The following SSBP2 variants were observed in gnomAD, a reference collection of about 807,000 sequenced individuals.
SSBP2 encodes the protein single-stranded DNA-binding protein 2.
In SSBP2, 17 loss-of-function variants were observed where a neutral mutation model predicts 61.8. The ratio of observed to expected loss-of-function variants is 0.28; its 90% CI spans 0.19 to 0.41. SSBP2 has a LOEUF of 0.41. SSBP2 is among the 10% of genes least tolerant of loss of function. The probability of loss-of-function intolerance (pLI) is 1.00; values close to 1 mark genes in which losing one functional copy is unlikely to be tolerated. For synonymous variants in SSBP2, 139 were observed against 141.3 expected, an observed-to-expected ratio of 0.98 and a Z score of 0.12; for missense variants, 310 against 458.7, an observed-to-expected ratio of 0.68 and a Z score of 2.96.
intron 1 of SSBP2, chr5:81,710,800 T>C: frequency 2.5e-6 from 1 of 407,532 alleles, no homozygotes. Context: ...TGTTTTAATA[T>C]AAGGAATAGG....
intron 4 of SSBP2, among the ~76,000 whole-genome samples, chr5:81,542,187 GAGAAATGCAAATCA>G (rs1409372914): frequency 6.6e-6 from 1 of 152,156 alleles, no homozygotes; most frequent in Admixed American, 6.5e-5. Context: ...CTAATAATCA[GAGAAATGCAAATCA>G]AGACCACAAT....
At chr5:81,699,014 A>G (rs1753777618) in intron 1 of SSBP2, among the ~76,000 whole-genome samples, 1 of 152,230 alleles carries the variant, frequency 6.6e-6, no homozygotes, top group South Asian at 2.1e-4. Context: ...AAAGTGAGTC[A>G]CATGAATTTT....
chr5:81,742,513 C>T (rs912220224), intron 1 of SSBP2, among the ~76,000 whole-genome samples: 4 of 152,120 alleles, frequency 2.6e-5, no homozygotes, highest in African/African-American at 9.7e-5. Context: ...GGGAATATGA[C>T]GGTAAGGAAG....
Position 81,553,830 on chromosome 5 carries a change from CTCT to C in SSBP2, c.283-40116_283-40114del, listed in dbSNP as rs1030180719. 2.6e-5 allele frequency among the ~76,000 whole-genome samples: 4 copies of C among 151,548 alleles called. No individual in the cohort carries two copies. In the East Asian group the frequency reaches 5.8e-4, roughly 22 times the overall value. ...CTTTCTTGTTTTCCTTTTTTGCTTT[CTCT>C]TCTTTTCTTACCATCCTTTCCTACC... On this transcript the variant is annotated intron_variant, in intron 4 of 16. Transcript: ENST00000320672.
intron 5 of SSBP2, among the ~76,000 whole-genome samples, chr5:81,507,352 G>T (rs889919185): frequency 6.6e-6 from 1 of 151,960 alleles, no homozygotes; most frequent in South Asian, 2.1e-4. Context: ...TCTTATCCAC[G>T]TCAAAGTCTT....
At chr5:81,536,894 G>A (rs112706425) in intron 4 of SSBP2, among the ~76,000 whole-genome samples, 22,864 of 151,760 alleles carry the variant, frequency 0.15, 2,213 homozygotes, top group Middle Eastern at 0.25. Context: ...GGTGGTGCTC[G>A]CCTGTAATCC....
intron 3 of SSBP2, among the ~76,000 whole-genome samples, chr5:81,630,541 G>A (rs1351657020): frequency 6.6e-6 from 1 of 152,070 alleles, no homozygotes; most frequent in Non-Finnish European, 1.5e-5. Flanking sequence ...TTAAAAAACT[G>A]TACCTATATA....
chr5:81,586,281 T>C (rs915537739), intron 4 of SSBP2, among the ~76,000 whole-genome samples: 1 of 152,188 alleles, frequency 6.6e-6, no homozygotes, highest in Non-Finnish European at 1.5e-5. Flanking sequence ...GTACGAGGGT[T>C]CCCTTTACTC....
intron 1 of SSBP2, among the ~76,000 whole-genome samples, chr5:81,661,484 CCT>C (rs1750690688): frequency 6.6e-6 from 1 of 151,406 alleles, no homozygotes; most frequent in South Asian, 2.1e-4. Flanking sequence ...ACAATGGTTC[CCT>C]TTCATCCACA....
intron 4 of SSBP2, among the ~76,000 whole-genome samples, chr5:81,611,446 A>C (rs1319385899): frequency 6.6e-6 from 1 of 152,198 alleles, no homozygotes; most frequent in Non-Finnish European, 1.5e-5. Flanking sequence ...ATACACTTTT[A>C]CTTAAAAAAA....
At chr5:81,526,542 T>G (rs1340756979) in intron 4 of SSBP2, among the ~76,000 whole-genome samples, 1 of 151,982 alleles carries the variant, frequency 6.6e-6, no homozygotes, top group Non-Finnish European at 1.5e-5. Flanking sequence ...TATTTTGAAG[T>G]AAAAAATTTA....
At chr5:81,527,485 A>C (rs1770033975) in intron 4 of SSBP2, among the ~76,000 whole-genome samples, 2 of 152,092 alleles carry the variant, frequency 1.3e-5, no homozygotes, top group South Asian at 4.1e-4. Flanking sequence ...AAATACAGGT[A>C]ACAGGGTATC....
At chr5:81,506,223 G>T (rs1376357062) in intron 5 of SSBP2, among the ~76,000 whole-genome samples, 1 of 151,986 alleles carries the variant, frequency 6.6e-6, no homozygotes, top group African/African-American at 2.4e-5. Flanking sequence ...GTTCTTTAAA[G>T]ATACAAAATT....
chr5:81,600,561 C>CAAAAAAAAAAA (rs35204869), intron 4 of SSBP2, among the ~76,000 whole-genome samples: 1 of 87,610 alleles, frequency 1.1e-5, no homozygotes, highest in Non-Finnish European at 2.2e-5. Context: ...GACTCTGTCT[C>CAAAAAAAAAAA]AAAAAAAAAA....
At chr5:81,636,348 TG>T (rs2153672902) in intron 3 of SSBP2, 1 of 424,470 alleles carries the variant, frequency 2.4e-6, no homozygotes, top group Non-Finnish European at 4.2e-6. Flanking sequence ...TTCCACACAC[TG>T]GTTCCAATTC....
At chr5:81,500,463 T>C (rs146818675) in intron 5 of SSBP2, among the ~76,000 whole-genome samples, 2,056 of 151,838 alleles carry the variant, frequency 0.014, 38 homozygotes, top group South Asian at 0.1. Context: ...CCTCCCGCTG[T>C]GGCATCTCAA....
chr5:81,476,971 G>C (rs1376156628), intron 6 of SSBP2, among the ~76,000 whole-genome samples: 2 of 152,020 alleles, frequency 1.3e-5, no homozygotes, highest in Non-Finnish European at 2.9e-5. Context: ...GATTTGGCTA[G>C]TGAGAAGCCT....
chr5:81,489,080 A>T (rs950458599), intron 6 of SSBP2, among the ~76,000 whole-genome samples, 170 bp downstream of exon 6: 96 of 152,162 alleles, frequency 6.3e-4, no homozygotes, highest in Non-Finnish European at 1.6e-4. Flanking sequence ...TTATTTATAA[A>T]AAATAGCTAG....
intron 1 of SSBP2, among the ~76,000 whole-genome samples, chr5:81,730,182 T>C (rs1405105970): frequency 1.3e-5 from 2 of 152,204 alleles, no homozygotes; most frequent in Non-Finnish European, 2.9e-5. Context: ...ATTTTTAAAA[T>C]GAACGCTTCA....
Sources: allele counts gnomAD v4.1 joint callset (sites outside exome capture counted in the v4.1 genomes callset), GRCh38; gene constraint gnomAD v4.1.1; transcripts MANE v1.5; gene names NCBI Gene and HGNC (gene_info 2026-07-23, HGNC 2026-07-21).